KCTD8: variants seen among roughly 807,000 people sequenced by gnomAD.
KCTD8 encodes the protein potassium channel tetramerization domain containing 8, also known as BTB/POZ domain-containing protein KCTD8.
KCTD8 carries 27 observed loss-of-function variants against 31.5 expected under a neutral mutation model. That is an observed-to-expected ratio of 0.86 (90% confidence interval 0.63 to 1.18). The LOEUF is 1.18. Among genes scored for constraint, KCTD8 ranks in the 50% most tolerant of loss-of-function variants. The pLI is 0.00. For synonymous variants in KCTD8, 290 were observed against 280.0 expected (o/e 1.04, Z -0.36); for missense variants, 658 against 647.7 (o/e 1.02, Z -0.17).
chr4:44,350,395 A>G (rs1044373493), intron 1 of KCTD8, among the ~76,000 whole-genome samples: 1 of 152,132 alleles, frequency 6.6e-6, no homozygotes, highest in African/African-American at 2.4e-5. Flanking sequence ...ATATCCATGA[A>G]CTGTCACATG....
intron 1 of KCTD8, among the ~76,000 whole-genome samples, chr4:44,392,659 A>C (rs1452436227): frequency 6.6e-6 from 1 of 152,026 alleles, no homozygotes; most frequent in Non-Finnish European, 1.5e-5. Context: ...GTTTTTGATC[A>C]TGCTAATGAT....
At chr4:44,433,668 T>A (rs13144404) in intron 1 of KCTD8, among the ~76,000 whole-genome samples, 1 of 151,446 alleles carries the variant, frequency 6.6e-6, no homozygotes, top group Non-Finnish European at 1.5e-5. Context: ...TCATCTTTTA[T>A]TTGGCCAGCC....
At chr4:44,272,002 C>A (rs1716622070) in intron 1 of KCTD8, among the ~76,000 whole-genome samples, 1 of 151,800 alleles carries the variant, frequency 6.6e-6, no homozygotes, top group African/African-American at 2.4e-5. Context: ...GTTCCTCTAT[C>A]AAATGAAAAT....
intron 1 of KCTD8, among the ~76,000 whole-genome samples, chr4:44,357,782 T>G (rs189267065): frequency 6.6e-6 from 1 of 152,072 alleles, no homozygotes; most frequent in Admixed American, 6.6e-5. Context: ...GTACCTTCTT[T>G]TTGAATAAAT....
intron 1 of KCTD8, among the ~76,000 whole-genome samples, chr4:44,390,222 T>C (rs1158159351): frequency 6.6e-6 from 1 of 151,958 alleles, no homozygotes; most frequent in African/African-American, 2.4e-5. Context: ...AGCCAATGTC[T>C]AGAAGGGTTT....
At chr4:44,353,631 C>T (rs1719271507) in intron 1 of KCTD8, among the ~76,000 whole-genome samples, 1 of 152,046 alleles carries the variant, frequency 6.6e-6, no homozygotes, top group East Asian at 1.9e-4. Flanking sequence ...CATTACCCTT[C>T]CCAGCCTCTG....
intron 1 of KCTD8, among the ~76,000 whole-genome samples, chr4:44,254,876 C>T (rs1484755002): frequency 6.6e-6 from 1 of 151,752 alleles, no homozygotes. Flanking sequence ...GTGTTATAAG[C>T]ATATATCTAT....
intron 1 of KCTD8, among the ~76,000 whole-genome samples, chr4:44,260,321 C>T (rs547699323): frequency 7.9e-5 from 12 of 151,886 alleles, no homozygotes; most frequent in African/African-American, 2.7e-4. Context: ...TGATCACCTA[C>T]TATGTTCTAG....
rs187436102 is a variant in KCTD8, at chr4:44,248,882, G to T, written c.962-73632C>A. Among the ~76,000 whole-genome samples, 378 of 151,890 alleles carry T rather than the reference G, an allele frequency of 2.5e-3. 1 individual carries two copies. Among genetic ancestry groups the T allele is most frequent in the African/African-American group, 8.4e-3 (347 of 41,470 alleles). ...CCCTCTGGAGAACCTGCCTCAAACT[G>T]TTTAGTGAGAAATAACAAAAACAAA... is the stretch of plus-strand genomic sequence containing the variant. On this transcript the variant is annotated intron_variant, in intron 1 of 1. Coordinates refer to ENST00000360029, the MANE Select transcript of KCTD8 (RefSeq NM_198353.3).
chr4:44,182,503 C>CT (rs1286050186), intron 1 of KCTD8, among the ~76,000 whole-genome samples: 9 of 152,200 alleles, frequency 5.9e-5, no homozygotes, highest in Admixed American at 5.9e-4. Context: ...ACCATGCACT[C>CT]TCTGAAACAT....
At chr4:44,330,207 A>G (rs992380607) in intron 1 of KCTD8, among the ~76,000 whole-genome samples, 3 of 151,936 alleles carry the variant, frequency 2.0e-5, no homozygotes, top group Non-Finnish European at 2.9e-5. Flanking sequence ...ATGTTGTTAG[A>G]ATTTCCTATA....
chr4:44,359,771 A>T (rs192429216), intron 1 of KCTD8, among the ~76,000 whole-genome samples: 27 of 152,216 alleles, frequency 1.8e-4, no homozygotes, highest in Admixed American at 1.8e-3. Flanking sequence ...ATAAGTTTAA[A>T]ATTCATCATG....
At chr4:44,310,230 T>C (rs55728583) in intron 1 of KCTD8, among the ~76,000 whole-genome samples, 5,007 of 152,172 alleles carry the variant, frequency 0.033, 118 homozygotes, top group South Asian at 0.061. Flanking sequence ...GTGAAACCAA[T>C]TGATAGCATA....
At chr4:44,182,490 C>A (rs529189204) in intron 1 of KCTD8, among the ~76,000 whole-genome samples, 110 of 152,292 alleles carry the variant, frequency 7.2e-4, no homozygotes, top group African/African-American at 2.5e-3. Context: ...GACCTTACCC[C>A]CAACCATGCA....
intron 1 of KCTD8, among the ~76,000 whole-genome samples, chr4:44,286,826 G>A (rs1251941308): frequency 6.6e-6 from 1 of 152,026 alleles, no homozygotes; most frequent in East Asian, 1.9e-4. Context: ...AGGAGGTATT[G>A]CAACAGATCA....
intron 1 of KCTD8, among the ~76,000 whole-genome samples, chr4:44,305,088 C>A (rs1717761395): frequency 6.6e-6 from 1 of 151,708 alleles, no homozygotes; most frequent in Non-Finnish European, 1.5e-5. Flanking sequence ...TTTGATTAAT[C>A]ACATGCTTTA....
At chr4:44,201,023 C>T (rs765677490) in intron 1 of KCTD8, among the ~76,000 whole-genome samples, 1 of 151,818 alleles carries the variant, frequency 6.6e-6, no homozygotes, top group African/African-American at 2.4e-5. Flanking sequence ...AATGACCAGG[C>T]TGAGAGTCAA....
intron 1 of KCTD8, among the ~76,000 whole-genome samples, chr4:44,420,300 C>A (rs1721180111): frequency 6.6e-6 from 1 of 152,116 alleles, no homozygotes; most frequent in East Asian, 1.9e-4. Context: ...CACAAGGCAA[C>A]CAACTTGCCC....
At chr4:44,424,127 T>C (rs962893920) in intron 1 of KCTD8, among the ~76,000 whole-genome samples, 2 of 152,090 alleles carry the variant, frequency 1.3e-5, no homozygotes, top group Non-Finnish European at 2.9e-5. Flanking sequence ...GTCATTATCA[T>C]GAATATCATT....
Sources: allele counts gnomAD v4.1 joint callset (sites outside exome capture counted in the v4.1 genomes callset), GRCh38; gene constraint gnomAD v4.1.1; transcripts MANE v1.5; gene names NCBI Gene and HGNC (gene_info 2026-07-23, HGNC 2026-07-21).